SLC24A4: variants seen among roughly 807,000 people sequenced by gnomAD.
SLC24A4 encodes solute carrier family 24 member 4.
Under a neutral mutation model 79.0 loss-of-function variants are expected in SLC24A4, and 53 were observed. The observed-to-expected ratio is 0.67, with a 90% CI of 0.54 to 0.84. The LOEUF is 0.84. Ranked by LOEUF, SLC24A4 falls within the 40% of genes least tolerant of loss-of-function variation. The pLI is 0.00. For synonymous variants in SLC24A4, 323 were observed against 323.8 expected, an observed-to-expected ratio of 1.00 and a Z score of 0.03; for missense variants, 731 against 822.0, an observed-to-expected ratio of 0.89 and a Z score of 1.35.
rs1895928574 is a variant in SLC24A4 at position 92,496,545 on chromosome 14, G to C, written c.*2917G>C. ...GACACAGGAGCAGGTGGTTCCTGTGGACTTCTGGTTTGGAATTTTGCCTCA... is the reference window on the plus strand; with the variant it reads ...GACACAGGAGCAGGTGGTTCCTGTGCACTTCTGGTTTGGAATTTTGCCTCA... On this transcript the variant is annotated 3_prime_UTR_variant, in exon 17 of 17. Transcript: ENST00000532405. 6.6e-6 allele frequency: 1 copy of C among 152,240 alleles called. No homozygotes were observed. Among genetic ancestry groups the C allele is most frequent in the South Asian group, 2.1e-4 (1 of 4,818 alleles). The allele number at this position is 152,240 out of a possible 1,614,324, so 9.4% of individuals were successfully genotyped here.
chr14:92,346,241 T>C (rs1886520396), intron 2 of SLC24A4, among the ~76,000 whole-genome samples: 1 of 152,196 alleles, frequency 6.6e-6, no homozygotes, highest in Admixed American at 6.5e-5. Flanking sequence ...TCAGATTTGA[T>C]AGCAGATGCA....
intron 2 of SLC24A4, among the ~76,000 whole-genome samples, chr14:92,406,249 C>G (rs1890368377): frequency 6.6e-6 from 1 of 152,244 alleles, no homozygotes; most frequent in Non-Finnish European, 1.5e-5. Context: ...CAGCTCTGTC[C>G]CTCTGGCTTT....
At chr14:92,478,742 T>G (rs921626381) in intron 12 of SLC24A4, among the ~76,000 whole-genome samples, 1 of 152,066 alleles carries the variant, frequency 6.6e-6, no homozygotes, top group Non-Finnish European at 1.5e-5. Context: ...TCTGCTCAGC[T>G]ACCTGGGATT....
intron 12 of SLC24A4, among the ~76,000 whole-genome samples, chr14:92,460,740 T>C (rs1772914086): frequency 6.6e-6 from 1 of 152,176 alleles, no homozygotes; most frequent in Non-Finnish European, 1.5e-5. Context: ...CAATGTTCTT[T>C]ATACACTGTC....
At chr14:92,334,955 G>A (rs931721495) in intron 2 of SLC24A4, among the ~76,000 whole-genome samples, 1 of 152,048 alleles carries the variant, frequency 6.6e-6, no homozygotes, top group African/African-American at 2.4e-5. Context: ...GGTACCCTAT[G>A]TTGGGCGCTA....
chr14:92,409,696 TGTTTG>T (rs1363663040), intron 2 of SLC24A4, among the ~76,000 whole-genome samples: 1 of 152,160 alleles, frequency 6.6e-6, no homozygotes, highest in Non-Finnish European at 1.5e-5. Flanking sequence ...GTTTTGGGAT[TGTTTG>T]GTTTTTTTTT....
chr14:92,463,596 A>G (rs1164841989), intron 12 of SLC24A4, among the ~76,000 whole-genome samples: 1 of 152,216 alleles, frequency 6.6e-6, no homozygotes, highest in Admixed American at 6.5e-5. Context: ...GCGCAGAGGT[A>G]TCAGTTCTCA....
intron 12 of SLC24A4, 34 bp downstream of exon 12, chr14:92,456,642 A>G (rs1893488010): frequency 6.2e-7 from 1 of 1,601,246 alleles, no homozygotes; most frequent in Non-Finnish European, 8.5e-7. Context: ...CTCGGGCTAC[A>G]TTTTTGGGGG....
rs80310045 is a variant in SLC24A4, at chr14:92,441,392, G to A, written c.394-697G>A. ...GAACAGGCCCCAACCATGAGTTCCC[G>A]TCCTGTCCCGTGCCAGCTTAACCCT... On this transcript the variant is annotated intron_variant, in intron 4 of 16. Coordinates refer to ENST00000532405, the MANE Select transcript of SLC24A4 (RefSeq NM_153646.4). This position sits in a 1 kb window ranked among gnomAD's most constrained non-coding sequence, Gnocchi z 4.6. Among the ~76,000 whole-genome samples, 3,796 of 152,268 alleles carry A rather than the reference G, an allele frequency of 0.025. 142 individuals carry two copies. The highest frequency in any genetic ancestry group is 0.085 in the African/African-American group (3,538 of 41,520).
intron 2 of SLC24A4, among the ~76,000 whole-genome samples, chr14:92,406,440 A>G (rs1428390784): frequency 6.6e-6 from 1 of 152,196 alleles, no homozygotes; most frequent in Non-Finnish European, 1.5e-5. Context: ...CTCCAACCCA[A>G]TGTTTCTCCT....
Position 92,493,813 on chromosome 14 carries a change from C to A in SLC24A4, c.*185C>A. 1 of 700,150 alleles carries A rather than the reference C, an allele frequency of 1.4e-6. No homozygotes were observed. The highest frequency in any genetic ancestry group is 2.0e-5 in the South Asian group (1 of 51,202). 43.4% of individuals were successfully genotyped at this position (700,150 alleles called of 1,614,324 possible). ...AGGCCAGGCTGCTGGGCATCCTCCTCCTCCTTGGAGTTCCGCCCCTGCAAG... is the reference window on the plus strand; with the variant it reads ...AGGCCAGGCTGCTGGGCATCCTCCTACTCCTTGGAGTTCCGCCCCTGCAAG... On this transcript the variant is annotated 3_prime_UTR_variant, in exon 17 of 17. Coordinates refer to ENST00000532405, the MANE Select transcript of SLC24A4 (RefSeq NM_153646.4).
At chr14:92,467,307 G>C (rs185263201) in intron 12 of SLC24A4, among the ~76,000 whole-genome samples, 1 of 152,304 alleles carries the variant, frequency 6.6e-6, no homozygotes, top group African/African-American at 2.4e-5. Context: ...AAAACCAGAT[G>C]ATCATCCCAA....
chr14:92,360,906 A>T (rs1365179054), intron 2 of SLC24A4, among the ~76,000 whole-genome samples: 2 of 152,228 alleles, frequency 1.3e-5, no homozygotes, highest in Admixed American at 6.5e-5. Flanking sequence ...TTGGCTGCAC[A>T]GCGTTTATCC....
At position 92,340,551 on chromosome 14, in the gene SLC24A4, G is replaced by A. The variant is rs1886076832; in HGVS notation, c.241+14573G>A. On this transcript the variant is annotated intron_variant, in intron 2 of 16. Coordinates refer to ENST00000532405, the MANE Select transcript of SLC24A4 (RefSeq NM_153646.4). ...CCTTGCAGGGTTCAGGTCCTTGGGTGTGGTGGCTTCCGAGGCTGCATCATG... is the reference window on the plus strand; with the variant it reads ...CCTTGCAGGGTTCAGGTCCTTGGGTATGGTGGCTTCCGAGGCTGCATCATG... Among the ~76,000 whole-genome samples, 3 of 143,234 alleles carry A rather than the reference G, an allele frequency of 2.1e-5. No homozygotes were observed. In the Admixed American group the frequency reaches 2.2e-4, roughly 10 times the overall value. 94.0% of individuals were successfully genotyped at this position (143,234 alleles called of 152,430 possible). A position where few individuals can be genotyped will look rare whatever the true frequency, so the allele number is the denominator to read the frequency against.
intron 11 of SLC24A4, 27 bp downstream of exon 11, chr14:92,454,096 G>GGCT (rs1893318192): frequency 6.2e-7 from 1 of 1,605,916 alleles, no homozygotes; most frequent in Admixed American, 1.7e-5. Flanking sequence ...GACCATAAAA[G>GGCT]TGAGCAGCCT....
intron 2 of SLC24A4, among the ~76,000 whole-genome samples, chr14:92,416,733 T>C (rs765560190): frequency 1.3e-5 from 2 of 152,206 alleles, no homozygotes; most frequent in Non-Finnish European, 2.9e-5. Flanking sequence ...GATGTAATTT[T>C]CCACAAGCTC....
chr14:92,475,349 T>G (rs1222966177), intron 12 of SLC24A4, among the ~76,000 whole-genome samples: 1 of 152,216 alleles, frequency 6.6e-6, no homozygotes, highest in Non-Finnish European at 1.5e-5. Context: ...AATAAGACTA[T>G]GTACCACCAC....
intron 2 of SLC24A4, among the ~76,000 whole-genome samples, chr14:92,391,019 G>A (rs1178892102): frequency 6.6e-6 from 1 of 152,212 alleles, no homozygotes; most frequent in Non-Finnish European, 1.5e-5. Context: ...AATGGATGGA[G>A]AGAAAGAGGT....
intron 2 of SLC24A4, among the ~76,000 whole-genome samples, chr14:92,350,526 C>G (rs1441889811): frequency 6.6e-6 from 1 of 152,152 alleles, no homozygotes; most frequent in Non-Finnish European, 1.5e-5. Flanking sequence ...CCTAAGGACC[C>G]CAGGATACAG....
Sources: gnomAD v4.1 joint callset for allele counts (sites outside exome capture counted in the v4.1 genomes callset) on GRCh38, gnomAD v4.1.1 for gene constraint, Gnocchi (gnomAD v3.1) non-coding constraint, MANE v1.5 for transcripts, NCBI Gene and HGNC (gene_info 2026-07-23, HGNC 2026-07-21) for gene names.